POC5: variants seen among roughly 807,000 people sequenced by gnomAD.
POC5 encodes the protein POC5 centriolar protein.
In POC5, 48 loss-of-function variants were observed where a neutral mutation model predicts 62.9. The observed-to-expected ratio is 0.76, with a 90% CI of 0.61 to 0.97. The LOEUF is 0.97. POC5 is among the 50% of genes least tolerant of loss of function. The pLI is 0.00. For synonymous variants in POC5, 236 were observed against 228.2 expected (o/e 1.03, Z -0.31); for missense variants, 696 against 679.5 (o/e 1.02, Z -0.27).
intron 10 of POC5, among the ~76,000 whole-genome samples, 151 bp from the exon 11 acceptor site, chr5:75,678,101 G>T (rs532239846): frequency 2.0e-5 from 3 of 151,836 alleles, no homozygotes; most frequent in African/African-American, 7.3e-5. Flanking sequence ...ATCACAAGAC[G>T]AAAAGCAAAA....
intron 9 of POC5, 82 bp downstream of exon 9, chr5:75,688,930 G>A (rs1452814049): frequency 8.5e-6 from 11 of 1,289,172 alleles, no homozygotes; most frequent in Admixed American, 3.2e-5. Context: ...CAGATTATTT[G>A]TACTGTAGAC....
In POC5 at chr5:75,694,673, G is replaced by A; in HGVS notation, c.672C>T (p.Ser224=). The change falls in exon 6 of 12, where the codon TCC becomes TCT. Residue 224 remains serine, a synonymous_variant. Coordinates refer to ENST00000428202, the MANE Select transcript of POC5 (RefSeq NM_001099271.2). ...AGAAGACCTCATCTTTTCTCCCAAT[G>A]GAGATTTCAAAGGTTTTTTGCAGCT... The part of the protein sequence containing the change: ...LKELQKTFEI[S]IGRKDEVISS... 2 of 1,560,000 alleles carry A rather than the reference G, an allele frequency of 1.3e-6. No individual in the cohort carries two copies. Among genetic ancestry groups the A allele is most frequent in the Non-Finnish European group, 1.7e-6 (2 of 1,157,852 alleles).
Position 75,677,865 on chromosome 5 carries a change from G to A in POC5, c.1493C>T (p.Ser498Leu). 1 of 1,611,524 alleles carries A rather than the reference G, an allele frequency of 6.2e-7. No homozygotes were observed. Among genetic ancestry groups the A allele is most frequent in the Non-Finnish European group, 8.5e-7 (1 of 1,178,764 alleles). The stretch of plus-strand genomic sequence containing the variant: ...TAAACTGCTGCTAATTCTATTTTTT[G>A]AAGCAAAATCACATCTTCCTGTGAT... ...ARITGRCDFA[S>L]KNRISSSLAI... The change falls in exon 11 of 12, where the codon TCA becomes TTA. Residue 498 changes from serine (S) to leucine (L), a missense_variant. Coordinates refer to ENST00000428202, the MANE Select transcript of POC5 (RefSeq NM_001099271.2).
At chr5:75,715,560 C>T (rs570021292) in intron 1 of POC5, among the ~76,000 whole-genome samples, 2 of 152,188 alleles carry the variant, frequency 1.3e-5, no homozygotes, top group Non-Finnish European at 2.9e-5. Context: ...CGGGGGAAAT[C>T]GCCCTTATAA....
At chr5:75,700,251 G>A (rs1309572682) in intron 5 of POC5, among the ~76,000 whole-genome samples, 4 of 151,792 alleles carry the variant, frequency 2.6e-5, no homozygotes, top group Admixed American at 1.3e-4. Context: ...AAAAGAGCCC[G>A]CATCACCAAG....
intron 2 of POC5, among the ~76,000 whole-genome samples, chr5:75,709,814 T>A (rs1220321634): frequency 1.3e-5 from 2 of 152,198 alleles, no homozygotes; most frequent in African/African-American, 4.8e-5. Flanking sequence ...AACTAATACA[T>A]AAAATTTCAA....
intron 1 of POC5, among the ~76,000 whole-genome samples, chr5:75,714,731 G>A (rs1252551962): frequency 6.6e-6 from 1 of 152,076 alleles, no homozygotes; most frequent in East Asian, 1.9e-4. Context: ...TGCCTCTGAG[G>A]CACTAGGGTA....
chr5:75,707,758 G>C lies in POC5; in HGVS notation c.202C>G (p.His68Asp). 1.3e-6 allele frequency: 2 copies of C among 1,548,520 alleles called. No homozygotes were observed. The highest frequency in any genetic ancestry group is 1.8e-6 in the Non-Finnish European group (2 of 1,140,234). ...LVPDVRISTI[H>D]DILHSQGNNS... ...TAACCTTGACTATGAAGAATATCAT[G>C]AATTGTAGAAATTCTGACATCTGGC... Residue 68 changes from histidine to aspartate, a missense_variant, in exon 3 of 12, where the codon CAT (histidine) becomes GAT (aspartate). Transcript: ENST00000428202.
At chr5:75,675,562 C>T (rs1775618575) in intron 11 of POC5, among the ~76,000 whole-genome samples, 1 of 152,108 alleles carries the variant, frequency 6.6e-6, no homozygotes, top group Non-Finnish European at 1.5e-5. Flanking sequence ...TTAAAAAGAA[C>T]AGAACTCCTT....
In POC5 at chr5:75,706,569, C is replaced by CT. The variant is rs796946990; in HGVS notation, c.224-783dup. 1.2e-3 allele frequency among the ~76,000 whole-genome samples: 172 copies of CT among 139,808 alleles called. 2 individuals carry two copies. Among genetic ancestry groups the CT allele is most frequent in the Middle Eastern group, 3.6e-3 (1 of 280 alleles). 91.7% of individuals were successfully genotyped at this position (139,808 alleles called of 152,430 possible). A position where few individuals can be genotyped will look rare whatever the true frequency, so the allele number is the denominator to read the frequency against. On this transcript the variant is annotated intron_variant, in intron 3 of 11. Transcript: ENST00000428202. ...GACTACAGCATCTCGAAAGTTTTTTCTTTTTTTTTTTTTAAACAGAGTCTT... is the reference window on the plus strand; with the variant it reads ...GACTACAGCATCTCGAAAGTTTTTTCTTTTTTTTTTTTTTAAACAGAGTCTT...
intron 10 of POC5, among the ~76,000 whole-genome samples, chr5:75,678,188 C>A (rs965982146): frequency 7.2e-5 from 11 of 151,912 alleles, no homozygotes; most frequent in African/African-American, 1.9e-4. Context: ...ACTTAAAAAA[C>A]CAACTTTTTT....
At chr5:75,686,515 A>G (rs953008426) in intron 9 of POC5, among the ~76,000 whole-genome samples, 2 of 152,200 alleles carry the variant, frequency 1.3e-5, no homozygotes, top group East Asian at 3.8e-4. Context: ...GCCTACCTAG[A>G]TCCTTTGAAC....
intron 5 of POC5, among the ~76,000 whole-genome samples, chr5:75,695,893 T>C (rs145619427): frequency 0.24 from 37,232 of 152,094 alleles, 4,779 homozygotes; most frequent in South Asian, 0.32. Context: ...GGCATTGCCT[T>C]ACTCAGGAAG....
intron 10 of POC5, 137 bp from the exon 11 acceptor site, chr5:75,678,087 C>G (rs1004234722): frequency 3.1e-6 from 2 of 643,182 alleles, no homozygotes; most frequent in Admixed American, 8.5e-5. Context: ...ATGGAAAAAA[C>G]AAAATCACAA....
intron 8 of POC5, chr5:75,689,732 G>A (rs1776243788): frequency 1.1e-6 from 1 of 905,394 alleles, no homozygotes; most frequent in Non-Finnish European, 1.3e-6. Flanking sequence ...ACAATTTAAT[G>A]CTGTAATGAG....
At chr5:75,693,496 T>A (rs1029269999) in intron 6 of POC5, among the ~76,000 whole-genome samples, 2 of 152,134 alleles carry the variant, frequency 1.3e-5, no homozygotes, top group African/African-American at 4.8e-5. Flanking sequence ...CTTTACTCAT[T>A]CTCATAAACT....
chr5:75,691,827 T>C (rs1776349852), intron 7 of POC5, among the ~76,000 whole-genome samples: 1 of 152,184 alleles, frequency 6.6e-6, no homozygotes, highest in Non-Finnish European at 1.5e-5. Flanking sequence ...CAGTTCACTA[T>C]TTACTGATAT....
chr5:75,689,118 T>C lies in POC5; in HGVS notation c.1023A>G (p.Gln341=). The change falls in exon 9 of 12, where the codon CAA becomes CAG. Residue 341 remains glutamine, a synonymous_variant. Coordinates refer to ENST00000428202, the MANE Select transcript of POC5 (RefSeq NM_001099271.2). ...ENAKAEIQRM[Q]HEKEHFEDSM... is the part of the protein sequence containing the mutation. Reference sequence around the variant, plus strand: ...AATCTTCAAAGTGCTCTTTTTCATGTTGCATTCTTTGAATCTCAGCTTTTG... The same window carrying C: ...AATCTTCAAAGTGCTCTTTTTCATGCTGCATTCTTTGAATCTCAGCTTTTG... The C allele has an allele frequency of 6.3e-7, 1 of 1,583,382 alleles. No individual in the cohort carries two copies. Among genetic ancestry groups the C allele is most frequent in the African/African-American group, 1.3e-5 (1 of 74,560 alleles).
At chr5:75,706,573 T>C (rs1042775110) in intron 3 of POC5, among the ~76,000 whole-genome samples, 1 of 152,104 alleles carries the variant, frequency 6.6e-6, no homozygotes, top group South Asian at 2.1e-4. Context: ...TTTTTTCTTT[T>C]TTTTTTTTTA....
Sources: gnomAD v4.1 joint callset for allele counts (sites outside exome capture counted in the v4.1 genomes callset) on GRCh38, gnomAD v4.1.1 for gene constraint, MANE v1.5 for transcripts, NCBI Gene and HGNC (gene_info 2026-07-23, HGNC 2026-07-21) for gene names.